The following TRIM2 variants were observed in gnomAD, a reference collection of about 807,000 sequenced individuals.
The protein encoded by TRIM2 is tripartite motif containing 2.
A neutral mutation model predicts 75.2 loss-of-function variants in TRIM2; 20 were observed. That is an observed-to-expected ratio of 0.27 (90% CI 0.19 to 0.39). The LOEUF is 0.39. Ranked by LOEUF, TRIM2 falls within the 10% of genes least tolerant of loss-of-function variation. The pLI, the probability that TRIM2 is intolerant of heterozygous loss-of-function variation, is 1.00. For synonymous variants in TRIM2, 373 were observed against 388.3 expected, an observed-to-expected ratio of 0.96 and a Z score of 0.46; for missense variants, 660 against 990.8, an observed-to-expected ratio of 0.67 and a Z score of 4.48.
At chr4:153,223,191 G>C (rs960988540) in intron 1 of TRIM2, among the ~76,000 whole-genome samples, 2 of 152,158 alleles carry the variant, frequency 1.3e-5, no homozygotes, top group Non-Finnish European at 2.9e-5. Flanking sequence ...GGTCGGCGCG[G>C]CGCAGAGCTG....
intron 1 of TRIM2, among the ~76,000 whole-genome samples, chr4:153,165,698 A>G (rs576962802): frequency 1.3e-5 from 2 of 152,278 alleles, no homozygotes; most frequent in South Asian, 2.1e-4. Context: ...AGGTGACTCC[A>G]TGATTCTGTA....
chr4:153,192,639 A>G (rs550044641), intron 1 of TRIM2, among the ~76,000 whole-genome samples: 54 of 151,844 alleles, frequency 3.6e-4, no homozygotes, highest in African/African-American at 1.2e-3. Flanking sequence ...AAAAGAGTCT[A>G]ACAGCAAGTA....
chr4:153,180,872 C>T (rs1731987929), intron 1 of TRIM2, among the ~76,000 whole-genome samples: 1 of 152,244 alleles, frequency 6.6e-6, no homozygotes, highest in African/African-American at 2.4e-5. Flanking sequence ...TCCACCCATC[C>T]ATTCATACTA....
At chr4:153,321,153 T>C (rs2149550676) in intron 8 of TRIM2, among the ~76,000 whole-genome samples, 1 of 152,264 alleles carries the variant, frequency 6.6e-6, no homozygotes, top group Non-Finnish European at 1.5e-5. Flanking sequence ...CTCCCAAGTA[T>C]ATTAAAATGA....
chr4:153,316,393 C>A (rs1272892144), intron 8 of TRIM2, among the ~76,000 whole-genome samples: 1 of 152,084 alleles, frequency 6.6e-6, no homozygotes, highest in East Asian at 1.9e-4. Context: ...CTTTCTCAGG[C>A]CTGTGACAGA....
chr4:153,193,013 G>A (rs1362726925), intron 1 of TRIM2, among the ~76,000 whole-genome samples: 1 of 151,760 alleles, frequency 6.6e-6, no homozygotes, highest in East Asian at 1.9e-4. Flanking sequence ...TTGTCTATCT[G>A]TAATTGTCTG....
Position 153,256,766 on chromosome 4 carries a change from T to C in TRIM2, c.31-13569T>C, listed in dbSNP as rs186599234. Among the ~76,000 whole-genome samples, 104 of 152,358 alleles carry C rather than the reference T, an allele frequency of 6.8e-4. 1 individual carries two copies. The Middle Eastern group carries it at 0.01, about 15-fold the overall frequency. ...TCCCCGAATCAAAATATGTACCATA[T>C]GATTTTTCTCTGAATCATTAGAACC... On this transcript the variant is annotated intron_variant, in intron 1 of 11. Coordinates refer to ENST00000338700, the MANE Select transcript of TRIM2 (RefSeq NM_015271.5).
At chr4:153,267,488 T>TAA (rs10631431) in intron 1 of TRIM2, among the ~76,000 whole-genome samples, 79,222 of 150,776 alleles carry the variant, frequency 0.53, 21,902 homozygotes, top group African/African-American at 0.7. Flanking sequence ...CCATCTCTAC[T>TAA]AAAAATACAA....
intron 1 of TRIM2, among the ~76,000 whole-genome samples, chr4:153,218,354 T>C (rs1423414783): frequency 2.0e-5 from 3 of 152,048 alleles, no homozygotes; most frequent in African/African-American, 7.2e-5. Context: ...ACTACAGGCA[T>C]GCACCACCAC....
chr4:153,278,430 C>T (rs758642705), intron 3 of TRIM2, among the ~76,000 whole-genome samples: 5 of 151,822 alleles, frequency 3.3e-5, no homozygotes, highest in Non-Finnish European at 7.4e-5. Flanking sequence ...ATATTTCTAA[C>T]TGTCATTATT....
intron 6 of TRIM2, among the ~76,000 whole-genome samples, chr4:153,304,632 G>A (rs1457889329): frequency 6.6e-6 from 1 of 152,004 alleles, no homozygotes; most frequent in African/African-American, 2.4e-5. Context: ...TAAGGAGCTG[G>A]GACTTTGTTC....
chr4:153,170,338 C>T (rs1028940056), intron 1 of TRIM2, among the ~76,000 whole-genome samples: 1 of 152,160 alleles, frequency 6.6e-6, no homozygotes, highest in African/African-American at 2.4e-5. Context: ...TGTTTTTAAA[C>T]TAATCAATAT....
intron 1 of TRIM2, among the ~76,000 whole-genome samples, chr4:153,225,586 G>A (rs1741893967): frequency 6.6e-6 from 1 of 152,248 alleles, no homozygotes; most frequent in South Asian, 2.1e-4. Flanking sequence ...ATTTTCTCTG[G>A]AAGAAAATGA....
At chr4:153,308,501 TAAGTGCTGATACAA>T in intron 6 of TRIM2, 1 of 759,832 alleles carries the variant, frequency 1.3e-6, no homozygotes, top group Admixed American at 1.7e-5. Flanking sequence ...AAGGCTGACT[TAAGTGCTGATACAA>T]GTTCCTTTTT....
rs879557871 is a variant in TRIM2, at chr4:153,306,053, C to T, written c.1511-9432C>T. 9.3e-5 allele frequency among the ~76,000 whole-genome samples: 14 copies of T among 151,180 alleles called. No homozygotes were observed. The East Asian group carries it at 9.7e-4, about 10-fold the overall frequency. On this transcript the variant is annotated intron_variant, in intron 6 of 11. Coordinates refer to ENST00000338700, the MANE Select transcript of TRIM2 (RefSeq NM_015271.5). The stretch of plus-strand genomic sequence containing the variant: ...AGAAGGCTGGAGAATCGCTCGAACC[C>T]GGGAGGTAGAGGTTGCATTGAGCCA...
intron 1 of TRIM2, among the ~76,000 whole-genome samples, chr4:153,260,403 T>A (rs1366391186): frequency 6.6e-6 from 1 of 152,034 alleles, no homozygotes; most frequent in Non-Finnish European, 1.5e-5. Flanking sequence ...ATCTTAACAA[T>A]CGGCTGCCAA....
Position 153,336,351 on chromosome 4 carries a change from A to G in TRIM2, c.*1385A>G. On this transcript the variant is annotated 3_prime_UTR_variant, in exon 12 of 12. Transcript: ENST00000338700. ...GAAAATGGCCTTCTGTGCTTTCAAAAAAAAAAACAAAAAAAAAACCACACA... is the reference window on the plus strand; with the variant it reads ...GAAAATGGCCTTCTGTGCTTTCAAAGAAAAAAACAAAAAAAAAACCACACA... The G allele has an allele frequency of 1.0e-6, 1 of 984,566 alleles. No homozygotes were observed. Among genetic ancestry groups the G allele is most frequent in the Non-Finnish European group, 1.2e-6 (1 of 829,330 alleles). The allele number at this position is 984,566 out of a possible 1,614,324, so 61.0% of individuals were successfully genotyped here.
In TRIM2 at chr4:153,244,256, C is replaced by CTCTTCCTCTTCCTCT. The variant is rs1560873046; in HGVS notation, c.31-26077_31-26076insTTCCTCTTCCTCTTC. ...CTTCTCTTCTCCTTCCTCTTCTTTC[C>CTCTTCCTCTTCCTCT]TCCTCCTCCTCCTCCTCCTCCTCCT... On this transcript the variant is annotated intron_variant, in intron 1 of 11. Transcript: ENST00000338700. Among the ~76,000 whole-genome samples, 4 of 1,154 alleles carry CTCTTCCTCTTCCTCT rather than the reference C, an allele frequency of 3.5e-3. 1 individual carries two copies. The highest frequency in any genetic ancestry group is 0.015 in the African/African-American group (4 of 270). The allele number at this position is 1,154 out of a possible 152,430, so 0.8% of individuals were successfully genotyped here.
At chr4:153,227,668 AC>A (rs1742508124) in intron 1 of TRIM2, among the ~76,000 whole-genome samples, 1 of 152,108 alleles carries the variant, frequency 6.6e-6, no homozygotes, top group African/African-American at 2.4e-5. Context: ...CAGCTATTGG[AC>A]ACAATGGAGG....
Sources: gnomAD v4.1 joint callset for allele counts (sites outside exome capture counted in the v4.1 genomes callset) on GRCh38, gnomAD v4.1.1 for gene constraint, MANE v1.5 for transcripts, NCBI Gene and HGNC (gene_info 2026-07-23, HGNC 2026-07-21) for gene names.